IL20: variants seen among roughly 807,000 people sequenced by gnomAD.
IL20 encodes the protein interleukin-20.
In IL20, 22 loss-of-function variants were observed where a neutral mutation model predicts 19.2. That is an observed-to-expected ratio of 1.15 (90% confidence interval 0.82 to 1.64). IL20 has a LOEUF of 1.64. Ranked by LOEUF, IL20 falls within the 40% of genes most tolerant of loss-of-function variation. The pLI is 0.00. For synonymous variants in IL20, 70 were observed against 76.2 expected, an observed-to-expected ratio of 0.92 and a Z score of 0.43; for missense variants, 215 against 212.8, an observed-to-expected ratio of 1.01 and a Z score of -0.06.
intron 2 of IL20, 88 bp downstream of exon 2, chr1:206,866,099 T>A (rs1677537551): frequency 2.2e-6 from 3 of 1,361,106 alleles, no homozygotes; most frequent in Non-Finnish European, 3.1e-6. Context: ...GGCAGTGTAA[T>A]CATAAAAAGA....
At position 206,866,504 on chromosome 1, in the gene IL20, C is replaced by T; in HGVS notation, c.246C>T (p.Leu82=). The T allele has an allele frequency of 6.2e-7, 1 of 1,614,156 alleles. No homozygotes were observed. The highest frequency in any genetic ancestry group is 1.1e-5 in the South Asian group (1 of 91,086). Residue 82 remains leucine, a synonymous_variant, in exon 4 of 6, where the codon CTC becomes CTT. Transcript: ENST00000367098. ...QDTKPANRCC[L]LRHLLRLYLD... Reference sequence around the variant, plus strand: ...TGCAGCCTGCGAATCGATGCTGCCTCCTGCGCCATTTGCTAAGACTCTATC... The same window carrying T: ...TGCAGCCTGCGAATCGATGCTGCCTTCTGCGCCATTTGCTAAGACTCTATC...
chr1:206,866,059 C>G, intron 2 of IL20, 48 bp downstream of exon 2: 1 of 1,558,520 alleles, frequency 6.4e-7, no homozygotes, highest in Non-Finnish European at 8.8e-7. Context: ...TCTCTTCCTT[C>G]CTTGTCCGTT....
At position 206,866,544 on chromosome 1, in the gene IL20, A is replaced by T. The variant is rs1385639941; in HGVS notation, c.286A>T (p.Lys96Ter). The change falls in exon 4 of 6, where the codon AAA (lysine) becomes TAA (stop). Residue 96 changes from lysine (K) to a stop codon, truncating the protein, a stop_gained. Transcript: ENST00000367098. LOFTEE classifies it high-confidence loss of function. ...AAGACTCTATCTGGACAGGGTATTTAAAAACTACCAGACCCCTGACCATTA... is the reference window on the plus strand; with the variant it reads ...AAGACTCTATCTGGACAGGGTATTTTAAAACTACCAGACCCCTGACCATTA... ...LLRLYLDRVFKNYQTPDHYTL... is the reference protein window; with the variant it reads ...LLRLYLDRVF The T allele has an allele frequency of 3.1e-6, 5 of 1,614,078 alleles. No homozygotes were observed. The highest frequency in any genetic ancestry group is 1.7e-5 in the Admixed American group (1 of 60,022).
Position 206,866,641 on chromosome 1 carries a change from G to A in IL20, c.378+5G>A. ...AAGAAGGACCTCCGGCTCTGTGTGA[G>A]TGTGGGTCTTGGGTGACAGGATGCA... On this transcript the variant is annotated splice_donor_5th_base_variant and intron_variant, in intron 4 of 5. Coordinates refer to ENST00000367098, the MANE Select transcript of IL20 (RefSeq NM_018724.4). 6.2e-7 allele frequency: 1 copy of A among 1,613,876 alleles called. No individual in the cohort carries two copies. Among genetic ancestry groups the A allele is most frequent in the African/African-American group, 1.3e-5 (1 of 75,026 alleles).
chr1:206,867,510 T>A, intron 5 of IL20, 52 bp downstream of exon 5: 1 of 1,420,844 alleles, frequency 7.0e-7, no homozygotes, highest in East Asian at 2.3e-5. Context: ...AGAACTGAGA[T>A]CATAGGTAGG....
rs773346133 is a variant in IL20 at position 206,866,364 on chromosome 1, G to A, written c.225G>A (p.Lys75=). 61 of 1,614,010 alleles carry A rather than the reference G, an allele frequency of 3.8e-5. No homozygotes were observed. In the Middle Eastern group the frequency reaches 5.0e-4, roughly 13 times the overall value. The change falls in exon 3 of 6, where the codon AAG becomes AAA. Residue 75 remains lysine, a splice_region_variant and synonymous_variant. Coordinates refer to ENST00000367098, the MANE Select transcript of IL20 (RefSeq NM_018724.4). ...LRRTESLQDT[K]PANRCCLLRH... ...GGACTGAGTCTTTGCAAGACACAAAGGTATGTGCTTGGCCCAGACAAACTC... is the reference window on the plus strand; with the variant it reads ...GGACTGAGTCTTTGCAAGACACAAAAGTATGTGCTTGGCCCAGACAAACTC...
chr1:206,866,265 C>G lies in IL20; in HGVS notation c.160-34C>G, dbSNP rs548617479. ...TGAAGACCCTGGCAGCAGGCACTGA[C>G]TCATCCTTGCTTGTTTTGTCTTCTT... On this transcript the variant is annotated intron_variant, in intron 2 of 5. Coordinates refer to ENST00000367098, the MANE Select transcript of IL20 (RefSeq NM_018724.4). 2.6e-4 allele frequency: 420 copies of G among 1,605,880 alleles called. 1 individual carries two copies. The highest frequency in any genetic ancestry group is 2.5e-3 in the Middle Eastern group (15 of 6,040).
rs1030731703 is a variant in IL20 at position 206,865,761 on chromosome 1, C to T, written c.-30-62C>T. Reference sequence around the variant, plus strand: ...TCTTCCCCTGACCCCCCACCCCTCACCCCGTGGACACTTGGAGGAGGGGAA... The same window carrying T: ...TCTTCCCCTGACCCCCCACCCCTCATCCCGTGGACACTTGGAGGAGGGGAA... On this transcript the variant is annotated intron_variant, in intron 1 of 5. Coordinates refer to ENST00000367098, the MANE Select transcript of IL20 (RefSeq NM_018724.4). This position sits in a 1 kb window ranked among gnomAD's most constrained non-coding sequence, Gnocchi z 4.1. The T allele has an allele frequency of 1.7e-5, 26 of 1,531,300 alleles. No homozygotes were observed. Among genetic ancestry groups the T allele is most frequent in the Middle Eastern group, 1.7e-4 (1 of 5,732 alleles). The allele number at this position is 1,531,300 out of a possible 1,614,324, so 94.9% of individuals were successfully genotyped here.
chr1:206,866,726 G>A, intron 4 of IL20, 90 bp downstream of exon 4: 1 of 1,267,608 alleles, frequency 7.9e-7, no homozygotes, highest in South Asian at 1.3e-5. Flanking sequence ...TCCATTTAAT[G>A]GATGGAGAAA....
chr1:206,867,571 C>T, intron 5 of IL20, 113 bp downstream of exon 5: 2 of 889,348 alleles, frequency 2.2e-6, no homozygotes, highest in South Asian at 1.5e-5. Context: ...GTTCATAGCC[C>T]TCTGAAATCA....
At chr1:206,866,052 C>T (rs767673429) in intron 2 of IL20, 41 bp downstream of exon 2, 10 of 1,572,592 alleles carry the variant, frequency 6.4e-6, no homozygotes, top group Non-Finnish European at 7.0e-6. Flanking sequence ...AGCCTTTTCT[C>T]TTCCTTCCTT....
chr1:206,865,942 G>A lies in IL20; in HGVS notation c.90G>A (p.Leu30=). 1 of 1,614,112 alleles carries A rather than the reference G, an allele frequency of 6.2e-7. No homozygotes were observed. Among genetic ancestry groups the A allele is most frequent in the Non-Finnish European group, 8.5e-7 (1 of 1,180,002 alleles). ...TPSTGLKTLN[L]GSCVIATNLQ... ...CCACTGGACTGAAGACACTCAATTT[G>A]GGAAGCTGTGTGATCGCCACAAACC... is the stretch of plus-strand genomic sequence containing the variant. The change falls in exon 2 of 6, where the codon TTG becomes TTA. Residue 30 remains leucine (L), a synonymous_variant. Transcript: ENST00000367098. This position sits in a 1 kb window ranked among gnomAD's most constrained non-coding sequence, Gnocchi z 4.1.
chr1:206,868,200 G>A (rs1393194437), intron 5 of IL20, among the ~76,000 whole-genome samples: 1 of 151,868 alleles, frequency 6.6e-6, no homozygotes, highest in Non-Finnish European at 1.5e-5. Context: ...GTTTCTTAAA[G>A]AAAATAGCTT....
At chr1:206,867,525 A>G in intron 5 of IL20, 67 bp downstream of exon 5, 1 of 1,289,736 alleles carries the variant, frequency 7.8e-7, no homozygotes, top group Non-Finnish European at 1.1e-6. Flanking sequence ...GGTAGGTGGG[A>G]TGGTTATTCA....
Position 206,868,588 on chromosome 1 carries a change from G to T in IL20, c.*24G>T. ...AGGAGGAAAGTGATGCTGCTGCTAA[G>T]AATATTCGAGGTCAAGAGCTCCAGT... On this transcript the variant is annotated 3_prime_UTR_variant, in exon 6 of 6. Transcript: ENST00000367098. 6.4e-7 allele frequency: 1 copy of T among 1,562,852 alleles called. No homozygotes were observed.
rs993452015 is a variant in IL20, at chr1:206,866,581, A to G, written c.323A>G (p.Lys108Arg). Residue 108 changes from lysine to arginine, a missense_variant, in exon 4 of 6, where the codon AAG becomes AGG. Physicochemically the swap from Lys to Arg is conservative, Grantham distance 26 (BLOSUM62 2). Coordinates refer to ENST00000367098, the MANE Select transcript of IL20 (RefSeq NM_018724.4). Reference sequence around the variant, plus strand: ...ACCCCTGACCATTATACTCTCCGGAAGATCAGCAGCCTCGCCAATTCCTTT... The same window carrying G: ...ACCCCTGACCATTATACTCTCCGGAGGATCAGCAGCCTCGCCAATTCCTTT... ...YQTPDHYTLR[K>R]ISSLANSFLT... 1.9e-6 allele frequency: 3 copies of G among 1,614,092 alleles called. No individual in the cohort carries two copies. The African/African-American group carries it at 4.0e-5, about 22-fold the overall frequency.
At chr1:206,867,082 T>G (rs1220743472) in intron 4 of IL20, among the ~76,000 whole-genome samples, 1 of 146,582 alleles carries the variant, frequency 6.8e-6, no homozygotes, top group Non-Finnish European at 1.5e-5. Context: ...ATAGAGCTCC[T>G]AGACTACAGC....
intron 4 of IL20, among the ~76,000 whole-genome samples, 167 bp from the exon 5 acceptor site, chr1:206,867,217 C>A (rs1677577044): frequency 6.6e-6 from 1 of 152,116 alleles, no homozygotes; most frequent in South Asian, 2.1e-4. Flanking sequence ...CCTCTCCTAG[C>A]TGATGATGAA....
chr1:206,864,898 C>A (rs1428235824), upstream of IL20, among the ~76,000 whole-genome samples: 1 of 152,190 alleles, frequency 6.6e-6, no homozygotes, highest in Non-Finnish European at 1.5e-5. Flanking sequence ...TTTACCCTAA[C>A]CTCAGCCCAT....
Sources: gnomAD v4.1 joint callset for allele counts (sites outside exome capture counted in the v4.1 genomes callset) on GRCh38, gnomAD v4.1.1 for gene constraint, Gnocchi (gnomAD v3.1) non-coding constraint, MANE v1.5 for transcripts, NCBI Gene and HGNC (gene_info 2026-07-23, HGNC 2026-07-21) for gene names.